Variants in ELP1 observed in about 807,000 individuals in gnomAD.
ELP1 encodes the protein elongator acetyltransferase complex subunit 1, also known as elongator complex protein 1.
In ELP1, 131 loss-of-function variants were observed where a neutral mutation model predicts 183.2. The observed-to-expected ratio is 0.72, with a 90% confidence interval of 0.62 to 0.83. The LOEUF (loss-of-function observed/expected upper bound fraction) is 0.83, where lower values mean the gene tolerates loss of function less well. Among genes scored for constraint, ELP1 ranks in the 40% least tolerant of loss-of-function variants. The pLI is 0.00. For synonymous variants in ELP1, 555 were observed against 569.0 expected (o/e 0.98, Z 0.35); for missense variants, 1,550 against 1,594.9 (o/e 0.97, Z 0.48).
intron 3 of ELP1, 24 bp downstream of exon 3, chr9:108,929,745 C>T (rs570530357): frequency 4.3e-6 from 7 of 1,612,212 alleles, no homozygotes; most frequent in East Asian, 2.2e-5. Flanking sequence ...TGAGACTCCC[C>T]CCTCACTGGA....
rs1289472137 is a variant in ELP1, at chr9:108,900,872, ACGC to A, written c.2015-500_2015-498del. Among the ~76,000 whole-genome samples the A allele has an allele frequency of 5.5e-3, 99 of 18,042 alleles. 11 individuals carry two copies. Among genetic ancestry groups the A allele is most frequent in the African/African-American group, 0.027 (95 of 3,578 alleles). 11.8% of individuals were successfully genotyped at this position (18,042 alleles called of 152,430 possible). On this transcript the variant is annotated intron_variant, in intron 18 of 36. Transcript: ENST00000374647. ...ACACATACACGCCACACACACATAC[ACGC>A]CACACACACATACACGCCACACACA...
At chr9:108,909,711 T>C (rs1019330166) in intron 12 of ELP1, among the ~76,000 whole-genome samples, 2 of 152,176 alleles carry the variant, frequency 1.3e-5, no homozygotes, top group African/African-American at 4.8e-5. Context: ...CAACAGCTTC[T>C]CCTAACTAGA....
In ELP1 at chr9:108,889,388, G is replaced by C; in HGVS notation, c.3166C>G (p.Leu1056Val). Residue 1056 changes from leucine (L) to valine (V), a missense_variant, in exon 29 of 37, where the codon CTG becomes GTG. Leu to Val is a conservative substitution (Grantham distance 32). Coordinates refer to ENST00000374647, the MANE Select transcript of ELP1 (RefSeq NM_003640.5). ...VGLGRTLAGK[L>V]VEQRKHIDAA... ...TCAATGTGCTTCCTCTGCTCAACCA[G>C]CTTTCCTGTAGAGACAATAAGCAGC... 1 of 1,614,056 alleles carries C rather than the reference G, an allele frequency of 6.2e-7. No individual in the cohort carries two copies. Among genetic ancestry groups the C allele is most frequent in the Non-Finnish European group, 8.5e-7 (1 of 1,179,930 alleles).
chr9:108,906,278 G>A (rs1460176697), intron 14 of ELP1, 25 bp downstream of exon 14: 4 of 1,611,422 alleles, frequency 2.5e-6, no homozygotes, highest in African/African-American at 1.3e-5. Flanking sequence ...CTTAACATGT[G>A]GAGTACAGGG....
chr9:108,913,719 C>A (rs577415766), intron 10 of ELP1, among the ~76,000 whole-genome samples: 1 of 152,250 alleles, frequency 6.6e-6, no homozygotes, highest in African/African-American at 2.4e-5. Context: ...TCAATCTCGG[C>A]TCACGGCAAC....
chr9:108,876,092 T>C (rs1827696070), intron 35 of ELP1, among the ~76,000 whole-genome samples: 1 of 152,002 alleles, frequency 6.6e-6, no homozygotes, highest in South Asian at 2.1e-4. Flanking sequence ...CGGGGACAAC[T>C]TGGTGACACC....
rs1243721696 is a variant in ELP1 at position 108,932,029 on chromosome 9, A to G, written c.-55-828T>C. Among the ~76,000 whole-genome samples, 4 of 152,314 alleles carry G rather than the reference A, an allele frequency of 2.6e-5. No homozygotes were observed. In the East Asian group the frequency reaches 7.7e-4, roughly 29 times the overall value. ...AGATCCCTTTAAGGCTTATGATTGT[A>G]AGTCCCTAACTTATGTTAGGGGTAG... On this transcript the variant is annotated intron_variant, in intron 1 of 36. Coordinates refer to ENST00000374647, the MANE Select transcript of ELP1 (RefSeq NM_003640.5).
Position 108,878,668 on chromosome 9 carries a change from G to C in ELP1, c.3655C>G (p.Leu1219Val). ...TGCACCACTTCACTCAGTGCCTCCA[G>C]GAGGGCCAGGTCCTCCAGCGGACTG... ...EGSPLEDLAL[L>V]EALSEVVQNT... Residue 1219 changes from leucine to valine, a missense_variant, in exon 34 of 37, where the codon CTG becomes GTG. Coordinates refer to ENST00000374647, the MANE Select transcript of ELP1 (RefSeq NM_003640.5). The C allele has an allele frequency of 6.2e-7, 1 of 1,614,204 alleles. No individual in the cohort carries two copies. Among genetic ancestry groups the C allele is most frequent in the African/African-American group, 1.3e-5 (1 of 75,060 alleles).
intron 10 of ELP1, among the ~76,000 whole-genome samples, 177 bp from the exon 11 acceptor site, chr9:108,912,671 T>C (rs1829274632): frequency 6.6e-6 from 1 of 151,880 alleles, no homozygotes; most frequent in African/African-American, 2.4e-5. Flanking sequence ...AGATAAAATA[T>C]CAAGAATCAA....
At chr9:108,902,348 T>C (rs1420867856) in intron 16 of ELP1, among the ~76,000 whole-genome samples, 6 of 152,158 alleles carry the variant, frequency 3.9e-5, no homozygotes, top group Admixed American at 3.9e-4. Flanking sequence ...TCTACCAGTA[T>C]ACTCTGTCCA....
At chr9:108,919,418 A>G in intron 6 of ELP1, 69 bp from the exon 7 acceptor site, 2 of 979,384 alleles carry the variant, frequency 2.0e-6, no homozygotes, top group South Asian at 1.3e-5. Context: ...CAAGCCTCAG[A>G]CCACTAGATA....
intron 3 of ELP1, 78 bp from the exon 4 acceptor site, chr9:108,927,531 A>G: frequency 1.8e-6 from 2 of 1,142,726 alleles, no homozygotes; most frequent in Admixed American, 3.4e-5. Context: ...CAATCAAAAC[A>G]ATTAAAAAAA....
intron 29 of ELP1, among the ~76,000 whole-genome samples, chr9:108,888,389 G>A (rs1828206826): frequency 6.6e-6 from 1 of 152,164 alleles, no homozygotes; most frequent in Non-Finnish European, 1.5e-5. Flanking sequence ...TGGTGAATTA[G>A]CTTTATTATA....
intron 29 of ELP1, among the ~76,000 whole-genome samples, chr9:108,887,198 G>A (rs1828157821): frequency 6.6e-6 from 1 of 152,026 alleles, no homozygotes; most frequent in African/African-American, 2.4e-5. Context: ...GACAGAGCAA[G>A]ACTCTGTCTC....
intron 11 of ELP1, 36 bp downstream of exon 11, chr9:108,912,228 C>T: frequency 5.2e-6 from 8 of 1,532,938 alleles, no homozygotes; most frequent in Non-Finnish European, 7.2e-6. Context: ...CTCAGGACCC[C>T]TTGCAGGCTC....
rs564045678 is a variant in ELP1, at chr9:108,905,401, A to T, written c.1643+902T>A. ...CTATCAACTATACAACAGGGCTTAC[A>T]TTACACAGAAGAGCATTCATTAACT... On this transcript the variant is annotated intron_variant, in intron 14 of 36. Transcript: ENST00000374647. 7.2e-5 allele frequency among the ~76,000 whole-genome samples: 11 copies of T among 152,314 alleles called. No homozygotes were observed. The East Asian group carries it at 2.1e-3, about 29-fold the overall frequency.
At chr9:108,870,968 C>CCTTT (rs1295256343) in intron 36 of ELP1, among the ~76,000 whole-genome samples, 1 of 113,332 alleles carries the variant, frequency 8.8e-6, no homozygotes, top group African/African-American at 3.7e-5. Flanking sequence ...CTTCATGCAC[C>CCTTT]ATTTTTTTTT....
At chr9:108,890,660 C>T (rs981990535) in intron 28 of ELP1, among the ~76,000 whole-genome samples, 17 of 152,170 alleles carry the variant, frequency 1.1e-4, no homozygotes, top group African/African-American at 9.7e-5. Flanking sequence ...CAGAATGCTT[C>T]GACATTTGGC....
intron 10 of ELP1, among the ~76,000 whole-genome samples, chr9:108,913,742 G>C (rs1266422721): frequency 2.6e-5 from 4 of 152,076 alleles, no homozygotes; most frequent in Non-Finnish European, 5.9e-5. Context: ...CTGCCTCCCA[G>C]TTCAAGCGAT....
Sources: allele counts gnomAD v4.1 joint callset (sites outside exome capture counted in the v4.1 genomes callset), GRCh38; gene constraint gnomAD v4.1.1; transcripts MANE v1.5; gene names NCBI Gene and HGNC (gene_info 2026-07-23, HGNC 2026-07-21).